MVP: variants seen among roughly 807,000 people sequenced by gnomAD.
MVP encodes the protein lung resistance-related protein.
A neutral mutation model predicts 83.5 loss-of-function variants in MVP; 62 were observed. The ratio of observed to expected loss-of-function variants is 0.74; its 90% CI spans 0.61 to 0.92. The LOEUF (loss-of-function observed/expected upper bound fraction) is 0.92. Ranked by LOEUF, MVP falls within the 40% of genes least tolerant of loss-of-function variation. The pLI is 0.00. For missense variants in MVP, 1,000 were observed against 1,203.4 expected (o/e 0.83, Z 2.50); for synonymous variants, 505 against 504.1 (o/e 1.00, Z -0.02).
intron 6 of MVP, 49 bp from the exon 7 acceptor site, chr16:29,836,673 C>T: frequency 6.8e-7 from 1 of 1,470,194 alleles, no homozygotes; most frequent in South Asian, 1.4e-5. Flanking sequence ...TCGCAGATCC[C>T]CTGAAGTTGG....
intron 8 of MVP, 122 bp downstream of exon 8, chr16:29,840,581 C>T (rs2067526888): frequency 8.3e-7 from 1 of 1,202,656 alleles, no homozygotes; most frequent in Admixed American, 2.6e-5. Flanking sequence ...ATCAGGTGGG[C>T]TGTCTGGTTG....
Position 29,844,856 on chromosome 16 carries a change from C to T in MVP, c.1998C>T (p.Thr666=). 1.2e-6 allele frequency: 2 copies of T among 1,603,338 alleles called. No individual in the cohort carries two copies. The highest frequency in any genetic ancestry group is 1.7e-6 in the Non-Finnish European group (2 of 1,178,980). ...TCCAGCTGGCCATCGAGATCACCAC[C>T]AACTCCCAGGAAGCGGCGGCCAAGT... is the stretch of plus-strand genomic sequence containing the variant. The part of the protein sequence containing the change: ...RSVQLAIEIT[T]NSQEAAAKHE... The change falls in exon 11 of 15, where the codon ACC becomes ACT. Residue 666 remains threonine (T), a synonymous_variant. Transcript: ENST00000357402.
rs775063563 is a variant in MVP, at chr16:29,830,659, G to C, written c.110G>C (p.Arg37Pro). The change falls in exon 2 of 15, where the codon CGG becomes CCG. Residue 37 changes from arginine (R) to proline (P), a missense_variant. Coordinates refer to ENST00000357402, the MANE Select transcript of MVP (RefSeq NM_005115.5). ...GAGGTCGGGCCAAAGACCTACATCCGGCAGGACAATGAGAGGTGGGTGTGG... is the reference window on the plus strand; with the variant it reads ...GAGGTCGGGCCAAAGACCTACATCCCGCAGGACAATGAGAGGTGGGTGTGG... ...RVEVGPKTYI[R>P]QDNERVLFAP... The C allele has an allele frequency of 6.2e-7, 1 of 1,613,408 alleles. No individual in the cohort carries two copies. The highest frequency in any genetic ancestry group is 8.5e-7 in the Non-Finnish European group (1 of 1,179,794).
chr16:29,836,182 C>G (rs1284143822), intron 6 of MVP, among the ~76,000 whole-genome samples: 1 of 151,180 alleles, frequency 6.6e-6, no homozygotes. Context: ...GCAGGAGAAT[C>G]GCTTGAACCC....
chr16:29,835,582 G>C, intron 5 of MVP, 122 bp from the exon 6 acceptor site: 1 of 660,676 alleles, frequency 1.5e-6, no homozygotes, highest in South Asian at 2.2e-5. Context: ...ACTTGAGCCT[G>C]GGGTCAGTGC....
In MVP at chr16:29,844,484, T is replaced by G. The variant is rs747953137; in HGVS notation, c.1635-9T>G. On this transcript the variant is annotated splice_polypyrimidine_tract_variant and intron_variant, in intron 10 of 14. Transcript: ENST00000357402. ...GCAGCTTCCCCATTCTGGGCCTGTT[T>G]GTTCACAGGCACTTTGAGGTGAATG... 2.6e-6 allele frequency: 4 copies of G among 1,527,110 alleles called. No individual in the cohort carries two copies. Among genetic ancestry groups the G allele is most frequent in the Non-Finnish European group, 3.5e-6 (4 of 1,138,802 alleles). 94.6% of individuals were successfully genotyped at this position (1,527,110 alleles called of 1,614,324 possible). A position where few individuals can be genotyped will look rare whatever the true frequency, so the allele number is the denominator to read the frequency against.
rs748479297 is a variant in MVP, at chr16:29,836,747, G to A, written c.698G>A (p.Arg233Gln). 2.5e-5 allele frequency: 40 copies of A among 1,600,582 alleles called. No homozygotes were observed. Among genetic ancestry groups the A allele is most frequent in the Non-Finnish European group, 3.3e-5 (39 of 1,170,672 alleles). Residue 233 changes from arginine to glutamine, a missense_variant, in exon 7 of 15, where the codon CGG (arginine) becomes CAG (glutamine). Coordinates refer to ENST00000357402, the MANE Select transcript of MVP (RefSeq NM_005115.5). ...ACAGCCCTGCACCTCCGGGCTCGGCGGAACTTCCGGGACTTCAGGGGAGTG... is the reference window on the plus strand; with the variant it reads ...ACAGCCCTGCACCTCCGGGCTCGGCAGAACTTCCGGGACTTCAGGGGAGTG... ...EKTALHLRAR[R>Q]NFRDFRGVSR...
chr16:29,837,578 AC>A (rs1300142769), intron 7 of MVP, among the ~76,000 whole-genome samples: 3 of 152,036 alleles, frequency 2.0e-5, no homozygotes, highest in Non-Finnish European at 4.4e-5. Context: ...ACGTGGGGAA[AC>A]CCTGTCTCTA....
intron 7 of MVP, among the ~76,000 whole-genome samples, chr16:29,838,636 T>C (rs2067508115): frequency 6.6e-6 from 1 of 152,070 alleles, no homozygotes; most frequent in South Asian, 2.1e-4. Context: ...GAGACCAGCC[T>C]GGGTAACATA....
chr16:29,847,257 C>T lies in MVP; in HGVS notation c.2326C>T (p.Gln776Ter). ...GCTGGAACTGGTCTATGCCCGGGCC[C>T]AGCTGGAGCTGGAGGTGAGCAAGGC... ...RELELVYARA[Q>*]LELEVSKAQQ... Residue 776 changes from glutamine (Q) to a stop codon, truncating the protein, a stop_gained, in exon 14 of 15, where the codon CAG (glutamine) becomes TAG (stop). Transcript: ENST00000357402. LOFTEE classifies it high-confidence loss of function. 6.2e-7 allele frequency: 1 copy of T among 1,613,774 alleles called. No homozygotes were observed. Among genetic ancestry groups the T allele is most frequent in the Non-Finnish European group, 8.5e-7 (1 of 1,179,992 alleles).
intron 7 of MVP, 165 bp from the exon 8 acceptor site, chr16:29,840,013 C>G (rs1317586539): frequency 1.6e-6 from 1 of 633,294 alleles, no homozygotes; most frequent in South Asian, 2.4e-5. Context: ...TGTAGAGCCT[C>G]ACAGTCCAGA....
intron 12 of MVP, 77 bp from the exon 13 acceptor site, chr16:29,846,081 A>G: frequency 1.2e-6 from 2 of 1,605,296 alleles, no homozygotes; most frequent in Non-Finnish European, 1.7e-6. Context: ...GAGACAGTGC[A>G]CGGCTACAGC....
rs1273717816 is a variant in MVP at position 29,832,572 on chromosome 16, C to T, written c.322-1161C>T. Among the ~76,000 whole-genome samples the T allele has an allele frequency of 2.8e-5, 4 of 145,346 alleles. No individual in the cohort carries two copies. In the South Asian group the frequency reaches 9.4e-4, roughly 34 times the overall value. On this transcript the variant is annotated intron_variant, in intron 3 of 14. Transcript: ENST00000357402. ...TTGGCCTCCCAAAGTGCTGGGATTACAGGCGTGAGCCACCGCGCCTGGCCT... is the reference window on the plus strand; with the variant it reads ...TTGGCCTCCCAAAGTGCTGGGATTATAGGCGTGAGCCACCGCGCCTGGCCT...
At chr16:29,846,107 G>A (rs564805979) in intron 12 of MVP, 51 bp from the exon 13 acceptor site, 13 of 1,600,266 alleles carry the variant, frequency 8.1e-6, no homozygotes, top group Middle Eastern at 1.8e-4. Flanking sequence ...CCAAGGCCGT[G>A]GGGGGACTGG....
chr16:29,835,540 C>A, intron 5 of MVP, 164 bp from the exon 6 acceptor site: 3 of 397,672 alleles, frequency 7.5e-6, no homozygotes, highest in Non-Finnish European at 9.1e-6. Context: ...GGTTTGGCCT[C>A]AAAAGAATGA....
At chr16:29,828,549 T>C (rs910248849) in intron 1 of MVP, among the ~76,000 whole-genome samples, 1 of 152,094 alleles carries the variant, frequency 6.6e-6, no homozygotes, top group East Asian at 1.9e-4. Context: ...CTGGCTAATT[T>C]TTGTATTTTT....
Position 29,835,780 on chromosome 16 carries a change from C to T in MVP, c.654C>T (p.Ala218=), listed in dbSNP as rs372794754. 41 of 1,613,578 alleles carry T rather than the reference C, an allele frequency of 2.5e-5. No individual in the cohort carries two copies. The Middle Eastern group carries it at 6.6e-4, about 26-fold the overall frequency. Reference sequence around the variant, plus strand: ...AGGAGGTTCTGGATTTGGTGGACGCCGTCATCCTTACGGAAAAGGTTGGTG... The same window carrying T: ...AGGAGGTTCTGGATTTGGTGGACGCTGTCATCCTTACGGAAAAGGTTGGTG... The part of the protein sequence containing the change: ...VFEEVLDLVD[A]VILTEKTALH... The change falls in exon 6 of 15, where the codon GCC becomes GCT. Residue 218 remains alanine (A), a synonymous_variant. Coordinates refer to ENST00000357402, the MANE Select transcript of MVP (RefSeq NM_005115.5).
intron 1 of MVP, among the ~76,000 whole-genome samples, chr16:29,823,948 T>G (rs2067384779): frequency 6.7e-6 from 1 of 149,402 alleles, no homozygotes; most frequent in African/African-American, 2.5e-5. Flanking sequence ...TAAAAAAAGG[T>G]CTCCAGAAGG....
chr16:29,825,425 A>C (rs1179064418), intron 1 of MVP, among the ~76,000 whole-genome samples: 1 of 152,208 alleles, frequency 6.6e-6, no homozygotes, highest in Non-Finnish European at 1.5e-5. Context: ...TCTGGAAGGA[A>C]ACCACAAAAA....
Sources: allele counts gnomAD v4.1 joint callset (sites outside exome capture counted in the v4.1 genomes callset), GRCh38; gene constraint gnomAD v4.1.1; transcripts MANE v1.5; gene names NCBI Gene and HGNC (gene_info 2026-07-23, HGNC 2026-07-21).